CCDC183: variants seen among roughly 807,000 people sequenced by gnomAD.
CCDC183 encodes the protein coiled-coil domain-containing protein 183.
In CCDC183, 63 loss-of-function variants were observed where a neutral mutation model predicts 65.2. The observed-to-expected ratio is 0.97, with a 90% CI of 0.79 to 1.19. CCDC183 has a LOEUF of 1.19. Ranked by LOEUF, CCDC183 falls within the 50% of genes most tolerant of loss-of-function variation. CCDC183 has a pLI of 0.00. For synonymous variants in CCDC183, 323 were observed against 276.5 expected (o/e 1.17, Z -1.67); for missense variants, 769 against 689.3 (o/e 1.12, Z -1.30).
At position 136,806,880 on chromosome 9, in the gene CCDC183, T is replaced by C. The variant is rs1490159026; in HGVS notation, c.1389+13T>C. 3 of 1,613,396 alleles carry C rather than the reference T, an allele frequency of 1.9e-6. No individual in the cohort carries two copies. Among genetic ancestry groups the C allele is most frequent in the Non-Finnish European group, 2.5e-6 (3 of 1,179,996 alleles). ...CAGGACCGAGGAGGTAGCCCCGGGC[T>C]GGGAGGAACCTGCACAGCCCACGTC... On this transcript the variant is annotated intron_variant, in intron 12 of 13. Transcript: ENST00000338005.
In CCDC183 at chr9:136,806,598, C is replaced by A; in HGVS notation, c.1204C>A (p.Leu402Met). The A allele has an allele frequency of 1.2e-6, 2 of 1,613,752 alleles. No individual in the cohort carries two copies. Among genetic ancestry groups the A allele is most frequent in the South Asian group, 1.1e-5 (1 of 91,084 alleles). The change falls in exon 11 of 14, where the codon CTG becomes ATG. Residue 402 changes from leucine (L) to methionine (M), a missense_variant. Leu to Met is a conservative substitution (Grantham distance 15, BLOSUM62 2). Transcript: ENST00000338005. ...AHSNMTKGQELLLTIQMGIDN... is the reference protein window; with the variant it reads ...AHSNMTKGQEMLLTIQMGIDN... ...CAGCAACATGACCAAGGGCCAGGAG[C>A]TGCTGCTGACCATCCAGATGGGCAT...
chr9:136,805,697 C>A (rs77293543), intron 9 of CCDC183: 1 of 556,218 alleles, frequency 1.8e-6, no homozygotes, highest in African/African-American at 1.9e-5. Flanking sequence ...CTAACCACTG[C>A]CCTGACACAA....
In CCDC183 at chr9:136,806,244, C is replaced by T. The variant is rs371485642; in HGVS notation, c.1109+6C>T. ...CAGAAGCCTAGCTCCATCAGGTGCCCCGGGCTTCCGGGGCTGCGGGCCACC... is the reference window on the plus strand; with the variant it reads ...CAGAAGCCTAGCTCCATCAGGTGCCTCGGGCTTCCGGGGCTGCGGGCCACC... On this transcript the variant is annotated splice_donor_region_variant and intron_variant, in intron 10 of 13. Transcript: ENST00000338005. 3 of 1,585,956 alleles carry T rather than the reference C, an allele frequency of 1.9e-6. No individual in the cohort carries two copies. In the African/African-American group the frequency reaches 4.0e-5, roughly 21 times the overall value.
chr9:136,802,042 G>T (rs558214684), intron 5 of CCDC183, among the ~76,000 whole-genome samples: 3 of 152,044 alleles, frequency 2.0e-5, no homozygotes, highest in Non-Finnish European at 4.4e-5. Context: ...GCCTGCCTCC[G>T]GCCTCCCAGT....
chr9:136,796,879 C>A (rs1025048300), intron 1 of CCDC183, among the ~76,000 whole-genome samples: 1 of 152,176 alleles, frequency 6.6e-6, no homozygotes, highest in African/African-American at 2.4e-5. Flanking sequence ...GGTTTCCCCC[C>A]ACTGAGACAG....
At chr9:136,802,300 C>T (rs1847748211) in intron 5 of CCDC183, among the ~76,000 whole-genome samples, 4 of 152,190 alleles carry the variant, frequency 2.6e-5, no homozygotes, top group Admixed American at 2.6e-4. Flanking sequence ...CTGCCTTGGC[C>T]TTGAATCCTG....
rs774753826 is a variant in CCDC183 at position 136,806,124 on chromosome 9, T to C, written c.995T>C (p.Leu332Pro). Residue 332 changes from leucine (L) to proline (P), a missense_variant, in exon 10 of 14, where the codon CTG becomes CCG. By Grantham distance (98) the Leu-to-Pro change is moderately conservative. Coordinates refer to ENST00000338005, the MANE Select transcript of CCDC183 (RefSeq NM_001039374.5). Reference sequence around the variant, plus strand: ...GCCCAGAGGAACACGGAGGAGAACCTGGAGCTGCAGATGGAGGACTGTGAG... The same window carrying C: ...GCCCAGAGGAACACGGAGGAGAACCCGGAGCTGCAGATGGAGGACTGTGAG... ...FLAQRNTEENLELQMEDCEEW... is the reference protein window; with the variant it reads ...FLAQRNTEENPELQMEDCEEW... The C allele has an allele frequency of 3.3e-5, 51 of 1,556,054 alleles. No homozygotes were observed. The highest frequency in any genetic ancestry group is 1.2e-4 in the Admixed American group (6 of 51,598).
chr9:136,802,770 T>C lies in CCDC183; in HGVS notation c.650T>C (p.Ile217Thr), dbSNP rs775427548. ...MKIMSQDAMM[I>T]TDEVKRNMRQ... ...ATCATGTCCCAAGATGCCATGATGA[T>C]CACGGATGAGGTCAAGGTGAGCTCA... The change falls in exon 6 of 14, where the codon ATC becomes ACC. Residue 217 changes from isoleucine to threonine, a missense_variant. Transcript: ENST00000338005. The C allele has an allele frequency of 6.2e-7, 1 of 1,612,298 alleles. No homozygotes were observed. The highest frequency in any genetic ancestry group is 8.5e-7 in the Non-Finnish European group (1 of 1,179,286).
intron 13 of CCDC183, 146 bp from the exon 14 acceptor site, chr9:136,807,421 ATGGGC>A: frequency 2.0e-6 from 2 of 1,003,406 alleles, no homozygotes; most frequent in Non-Finnish European, 2.8e-6. Context: ...GCCGCTGCGA[ATGGGC>A]TGGGCTGAGT....
intron 3 of CCDC183, 55 bp downstream of exon 3, chr9:136,799,845 C>A: frequency 4.5e-6 from 7 of 1,538,922 alleles, no homozygotes. Flanking sequence ...TGCCAGCACC[C>A]CCCCACTAGA....
chr9:136,796,607 T>C (rs1051034692), intron 1 of CCDC183, 140 bp downstream of exon 1: 2 of 677,066 alleles, frequency 3.0e-6, no homozygotes, highest in Non-Finnish European at 5.1e-6. Flanking sequence ...TTTTGATCTG[T>C]ACTAAGAAAA....
chr9:136,803,152 C>G (rs376478219), intron 6 of CCDC183, among the ~76,000 whole-genome samples: 7 of 70,448 alleles, frequency 9.9e-5, no homozygotes, highest in East Asian at 6.8e-4. Flanking sequence ...AGGGCTGGGG[C>G]CCCCCAGGGC....
rs1271277087 is a variant in CCDC183 at position 136,804,700 on chromosome 9, C to T, written c.793-62C>T. On this transcript the variant is annotated intron_variant, in intron 7 of 13. Transcript: ENST00000338005. The surrounding 1 kb of genome is among the most constrained non-coding windows in gnomAD (Gnocchi z 4.1). ...TGGGTGGACACAGGCTCAGGGCCAC[C>T]ACTCAGGGCCCACTCCCTGCCAAGG... is the stretch of plus-strand genomic sequence containing the variant. 6.2e-7 allele frequency: 1 copy of T among 1,612,644 alleles called. No homozygotes were observed.
In CCDC183 at chr9:136,807,700, C is replaced by T. The variant is rs1215664792; in HGVS notation, c.*10C>T. The T allele has an allele frequency of 6.3e-7, 1 of 1,591,102 alleles. No individual in the cohort carries two copies. Among genetic ancestry groups the T allele is most frequent in the Non-Finnish European group, 8.6e-7 (1 of 1,168,866 alleles). Reference sequence around the variant, plus strand: ...GAAAAAGAAGAAGTAGCCCCGCCGCCCCGCTCCCTGCTTTGCTACACAAAT... The same window carrying T: ...GAAAAAGAAGAAGTAGCCCCGCCGCTCCGCTCCCTGCTTTGCTACACAAAT... On this transcript the variant is annotated 3_prime_UTR_variant, in exon 14 of 14. Transcript: ENST00000338005.
rs1305044022 is a variant in CCDC183, at chr9:136,807,015, GAGA to G, written c.1438_1440del (p.Lys480del). 8 of 1,613,634 alleles carry G rather than the reference GAGA, an allele frequency of 5.0e-6. No individual in the cohort carries two copies. The highest frequency in any genetic ancestry group is 6.8e-6 in the Non-Finnish European group (8 of 1,180,022). On this transcript the variant is annotated inframe_deletion, in exon 13 of 14. Transcript: ENST00000338005. The stretch of plus-strand genomic sequence containing the variant: ...CACCCTGGAGTCCTCGACTCTGATG[GAGA>G]AGTACAACACCAGGATCAGCTTTGA...
Position 136,803,151 on chromosome 9 carries a change from GCCCCCCA to G in CCDC183, c.666+366_666+372del, listed in dbSNP as rs1564350054. On this transcript the variant is annotated intron_variant, in intron 6 of 13. Transcript: ENST00000338005. ...GGTGAGCTCAGGGCCCAGGGCTGGG[GCCCCCCA>G]GGGCCAGCCCTCTTGGATCTTCGGA... is the stretch of plus-strand genomic sequence containing the variant. Among the ~76,000 whole-genome samples, 41 of 55,710 alleles carry G rather than the reference GCCCCCCA, an allele frequency of 7.4e-4. 6 individuals carry two copies. The highest frequency in any genetic ancestry group is 0.012 in the Middle Eastern group (1 of 86). 36.5% of individuals were successfully genotyped at this position (55,710 alleles called of 152,430 possible).
chr9:136,798,973 T>C (rs1588329746), intron 1 of CCDC183, 129 bp from the exon 2 acceptor site: 1 of 1,274,442 alleles, frequency 7.8e-7, no homozygotes, highest in Middle Eastern at 2.8e-4. Flanking sequence ...GGAGGGATCT[T>C]GGCCATGGAG....
chr9:136,806,952 G>A lies in CCDC183; in HGVS notation c.1390-18G>A. Reference sequence around the variant, plus strand: ...CGTTCAGAGTGTCTGCACGGCTGAAGGGGGCTTTGCCCTGCAGGGCGACAC... The same window carrying A: ...CGTTCAGAGTGTCTGCACGGCTGAAAGGGGCTTTGCCCTGCAGGGCGACAC... On this transcript the variant is annotated intron_variant, in intron 12 of 13. Coordinates refer to ENST00000338005, the MANE Select transcript of CCDC183 (RefSeq NM_001039374.5). The A allele has an allele frequency of 3.1e-6, 5 of 1,613,582 alleles. No homozygotes were observed. The highest frequency in any genetic ancestry group is 4.2e-6 in the Non-Finnish European group (5 of 1,180,010).
intron 1 of CCDC183, among the ~76,000 whole-genome samples, chr9:136,797,772 A>G (rs544078950): frequency 1.3e-5 from 2 of 151,742 alleles, no homozygotes; most frequent in South Asian, 2.1e-4. Context: ...TCTTCATCCC[A>G]CCTGACGAGA....
Sources: gnomAD v4.1 joint callset for allele counts (sites outside exome capture counted in the v4.1 genomes callset) on GRCh38, gnomAD v4.1.1 for gene constraint, Gnocchi (gnomAD v3.1) non-coding constraint, MANE v1.5 for transcripts, NCBI Gene and HGNC (gene_info 2026-07-23, HGNC 2026-07-21) for gene names.